UTRN: variants seen among roughly 807,000 people sequenced by gnomAD.
UTRN encodes utrophin, also known as dystrophin-related protein 1.
In UTRN, 283 loss-of-function variants were observed where a neutral mutation model predicts 463.9. The observed-to-expected ratio is 0.61, with a 90% CI of 0.55 to 0.67. The LOEUF is 0.67. Ranked by LOEUF, UTRN falls within the 30% of genes least tolerant of loss-of-function variation. The probability of loss-of-function intolerance (pLI) is 0.00; values close to 1 mark genes in which losing one functional copy is unlikely to be tolerated. For missense variants in UTRN, 3,922 were observed against 4,084.3 expected, an observed-to-expected ratio of 0.96 and a Z score of 1.08; for synonymous variants, 1,442 against 1,431.5, an observed-to-expected ratio of 1.01 and a Z score of -0.17.
intron 9 of UTRN, among the ~76,000 whole-genome samples, chr6:144,430,948 AAAG>A (rs1785774558): frequency 2.0e-5 from 3 of 152,138 alleles, no homozygotes; most frequent in Non-Finnish European, 4.4e-5. Context: ...AATTTACTGA[AAAG>A]AAAGGATTGA....
chr6:144,346,391 TACATGATTTCCAATTTC>T (rs1320135326), intron 2 of UTRN, among the ~76,000 whole-genome samples: 1 of 152,194 alleles, frequency 6.6e-6, no homozygotes, highest in African/African-American at 2.4e-5. Context: ...AACCAATGTG[TACATGATTTCCAATTTC>T]ACAAGGGCCT....
chr6:144,457,970 A>G (rs1789035376), intron 19 of UTRN, among the ~76,000 whole-genome samples: 1 of 152,198 alleles, frequency 6.6e-6, no homozygotes, highest in African/African-American at 2.4e-5. Context: ...TAGTCATTTT[A>G]GAGGATTTGA....
At chr6:144,728,033 G>A (rs1192681249) in intron 53 of UTRN, among the ~76,000 whole-genome samples, 1 of 150,082 alleles carries the variant, frequency 6.7e-6, no homozygotes. Context: ...CTGAGAGGCA[G>A]AGGTTGCAAG....
chr6:144,722,872 T>C (rs573939860), intron 53 of UTRN, among the ~76,000 whole-genome samples: 35 of 152,288 alleles, frequency 2.3e-4, no homozygotes, highest in African/African-American at 8.2e-4. Context: ...AGCTGCAGGA[T>C]GACTATAACC....
chr6:144,616,354 C>T (rs1354613738), intron 51 of UTRN, among the ~76,000 whole-genome samples: 1 of 152,116 alleles, frequency 6.6e-6, no homozygotes, highest in African/African-American at 2.4e-5. Flanking sequence ...TACCTTTAAT[C>T]TATAGAAATG....
intron 53 of UTRN, among the ~76,000 whole-genome samples, chr6:144,723,431 A>G (rs1787438272): frequency 6.6e-6 from 1 of 152,206 alleles, no homozygotes; most frequent in Non-Finnish European, 1.5e-5. Context: ...ATTATGCTCA[A>G]GCATTTATTG....
chr6:144,392,779 C>G (rs1782051504), intron 2 of UTRN, among the ~76,000 whole-genome samples: 1 of 152,170 alleles, frequency 6.6e-6, no homozygotes, highest in Admixed American at 6.5e-5. Flanking sequence ...AAGATAGCAT[C>G]CTACCTGTCT....
intron 19 of UTRN, 40 bp from the exon 20 acceptor site, chr6:144,458,730 T>C (rs932393094): frequency 6.5e-7 from 1 of 1,527,568 alleles, no homozygotes; most frequent in African/African-American, 1.4e-5. Flanking sequence ...ACACATTTTG[T>C]AATATATAGA....
At chr6:144,294,145 T>C (rs1485251028) in intron 2 of UTRN, among the ~76,000 whole-genome samples, 2 of 152,148 alleles carry the variant, frequency 1.3e-5, no homozygotes, top group African/African-American at 2.4e-5. Flanking sequence ...GATTATCAAA[T>C]TGCTTAGAGT....
In UTRN at chr6:144,335,088, T is replaced by A. The variant is rs1245022850; in HGVS notation, c.79+43181T>A. ...CCAGAAAGTTACGGTAGTCTAACAT[T>A]CCTTATTTAAAACCAACTTTGCCAT... On this transcript the variant is annotated intron_variant, in intron 2 of 74. Coordinates refer to ENST00000367545, the MANE Select transcript of UTRN (RefSeq NM_007124.3). Among the ~76,000 whole-genome samples the A allele has an allele frequency of 3.9e-5, 6 of 152,330 alleles. No homozygotes were observed. In the East Asian group the frequency reaches 1.2e-3, roughly 29 times the overall value.
chr6:144,453,082 A>G (rs889848820), intron 18 of UTRN, among the ~76,000 whole-genome samples: 4 of 152,262 alleles, frequency 2.6e-5, no homozygotes, highest in African/African-American at 9.6e-5. Context: ...ATATAACCCA[A>G]ACAAATAATA....
intron 2 of UTRN, among the ~76,000 whole-genome samples, chr6:144,351,801 G>T (rs1778131623): frequency 1.3e-5 from 2 of 152,140 alleles, no homozygotes. Context: ...TGAAAGGCTG[G>T]GCTGTGTGGC....
At chr6:144,368,144 C>T (rs1779667654) in intron 2 of UTRN, among the ~76,000 whole-genome samples, 1 of 152,152 alleles carries the variant, frequency 6.6e-6, no homozygotes, top group Non-Finnish European at 1.5e-5. Flanking sequence ...AAGCTTGTTG[C>T]TACTTTCCCT....
intron 33 of UTRN, among the ~76,000 whole-genome samples, chr6:144,494,223 G>A (rs1793356819): frequency 6.6e-6 from 1 of 152,138 alleles, no homozygotes; most frequent in Admixed American, 6.5e-5. Flanking sequence ...CGCATCTGGA[G>A]TTTGTTCCTT....
At chr6:144,647,276 T>C (rs1778397146) in intron 51 of UTRN, among the ~76,000 whole-genome samples, 1 of 152,228 alleles carries the variant, frequency 6.6e-6, no homozygotes, top group Non-Finnish European at 1.5e-5. Context: ...CAATTGTGAA[T>C]CTGCTCATAC....
chr6:144,798,260 C>T (rs1777404763), intron 64 of UTRN, among the ~76,000 whole-genome samples: 1 of 152,058 alleles, frequency 6.6e-6, no homozygotes, highest in South Asian at 2.1e-4. Flanking sequence ...ACTTAGGTCA[C>T]AGAAATGATT....
rs1788243161 is a variant in UTRN, at chr6:144,451,069, G to A, written c.2073-301G>A. Among the ~76,000 whole-genome samples the A allele has an allele frequency of 2.0e-5, 3 of 152,252 alleles. No homozygotes were observed. The South Asian group carries it at 6.2e-4, about 32-fold the overall frequency. On this transcript the variant is annotated intron_variant, in intron 17 of 74. Coordinates refer to ENST00000367545, the MANE Select transcript of UTRN (RefSeq NM_007124.3). ...GGAGGTTGCAGTGAGCCGAGATCGTGCCATTGCACTCAAGCCTGGGTGACA... is the reference window on the plus strand; with the variant it reads ...GGAGGTTGCAGTGAGCCGAGATCGTACCATTGCACTCAAGCCTGGGTGACA...
intron 34 of UTRN, among the ~76,000 whole-genome samples, chr6:144,502,717 A>G (rs1794310894): frequency 6.6e-6 from 1 of 152,206 alleles, no homozygotes; most frequent in African/African-American, 2.4e-5. Flanking sequence ...TGCAATAAAT[A>G]TACGTGGGCA....
intron 53 of UTRN, among the ~76,000 whole-genome samples, chr6:144,709,919 C>G (rs748145051): frequency 6.6e-6 from 1 of 152,160 alleles, no homozygotes; most frequent in African/African-American, 2.4e-5. Flanking sequence ...CAAAGTTACT[C>G]TTTGATAATA....
Sources: allele counts gnomAD v4.1 joint callset (sites outside exome capture counted in the v4.1 genomes callset), GRCh38; gene constraint gnomAD v4.1.1; transcripts MANE v1.5; gene names NCBI Gene and HGNC (gene_info 2026-07-23, HGNC 2026-07-21).